SNTG1: variants seen among roughly 807,000 people sequenced by gnomAD.
The protein encoded by SNTG1 is gamma-1-syntrophin.
A neutral mutation model predicts 74.7 loss-of-function variants in SNTG1; 39 were observed. That is an observed-to-expected ratio of 0.52 (90% CI 0.40 to 0.68). SNTG1 has a LOEUF of 0.68. Among genes scored for constraint, SNTG1 ranks in the 30% least tolerant of loss-of-function variants. SNTG1 has a pLI of 0.00. For synonymous variants in SNTG1, 254 were observed against 217.1 expected, an observed-to-expected ratio of 1.17 and a Z score of -1.49; for missense variants, 685 against 609.5, an observed-to-expected ratio of 1.12 and a Z score of -1.30.
At chr8:50,076,957 T>C (rs936695762) in intron 1 of SNTG1, among the ~76,000 whole-genome samples, 6 of 152,204 alleles carry the variant, frequency 3.9e-5, no homozygotes, top group African/African-American at 7.2e-5. Flanking sequence ...GGAAGTATAG[T>C]TGTCAGTGAC....
intron 2 of SNTG1, among the ~76,000 whole-genome samples, chr8:50,272,936 G>A (rs536498601): frequency 1.3e-5 from 2 of 151,292 alleles, no homozygotes; most frequent in African/African-American, 2.4e-5. Flanking sequence ...TAGAGACAGA[G>A]TCTCGCTATA....
chr8:50,277,418 A>G (rs1255884211), intron 2 of SNTG1, among the ~76,000 whole-genome samples: 1 of 152,236 alleles, frequency 6.6e-6, no homozygotes, highest in African/African-American at 2.4e-5. Flanking sequence ...AAACTTTTTC[A>G]GACACAGACA....
At chr8:50,204,118 G>A (rs1046245378) in intron 2 of SNTG1, among the ~76,000 whole-genome samples, 5 of 152,224 alleles carry the variant, frequency 3.3e-5, no homozygotes, top group Admixed American at 3.3e-4. Flanking sequence ...AAGGGAATGG[G>A]AATGTTTGAT....
chr8:49,980,185 A>G (rs1812543204), intron 1 of SNTG1, among the ~76,000 whole-genome samples: 1 of 152,154 alleles, frequency 6.6e-6, no homozygotes, highest in Non-Finnish European at 1.5e-5. Flanking sequence ...GTTCTCCTCC[A>G]GCGCCTGGCA....
chr8:50,313,222 CTT>C (rs1269364059), intron 2 of SNTG1, among the ~76,000 whole-genome samples: 6 of 149,798 alleles, frequency 4.0e-5, no homozygotes, highest in Admixed American at 2.7e-4. Flanking sequence ...CAAAGAAAAA[CTT>C]AGAGGAAAAG....
At chr8:50,549,070 T>G (rs556436270) in intron 11 of SNTG1, among the ~76,000 whole-genome samples, 3 of 152,150 alleles carry the variant, frequency 2.0e-5, no homozygotes, top group Non-Finnish European at 2.9e-5. Flanking sequence ...TTGCAAAAAG[T>G]GCAGGACTTC....
intron 1 of SNTG1, among the ~76,000 whole-genome samples, chr8:50,021,981 A>C (rs1167830901): frequency 1.3e-5 from 2 of 151,848 alleles, no homozygotes; most frequent in African/African-American, 4.8e-5. Flanking sequence ...AAGAAGAAGA[A>C]GAAGAAAAAG....
At chr8:50,396,430 G>C (rs1252320951) in intron 3 of SNTG1, among the ~76,000 whole-genome samples, 1 of 152,176 alleles carries the variant, frequency 6.6e-6, no homozygotes, top group Non-Finnish European at 1.5e-5. Context: ...ATAATGGCTA[G>C]AATTTAGTTA....
At chr8:50,771,299 A>T (rs1438651001) in intron 18 of SNTG1, among the ~76,000 whole-genome samples, 2 of 152,112 alleles carry the variant, frequency 1.3e-5, no homozygotes, top group Non-Finnish European at 2.9e-5. Context: ...AGAAATAAAA[A>T]CAGTGGAAGA....
intron 1 of SNTG1, among the ~76,000 whole-genome samples, chr8:50,072,155 C>A (rs1032676070): frequency 6.6e-6 from 1 of 152,146 alleles, no homozygotes; most frequent in Admixed American, 6.5e-5. Context: ...AGACATGGAT[C>A]TATTTGCCTT....
At chr8:50,046,587 C>T (rs1322752442) in intron 1 of SNTG1, among the ~76,000 whole-genome samples, 2 of 152,086 alleles carry the variant, frequency 1.3e-5, no homozygotes, top group East Asian at 1.9e-4. Flanking sequence ...ATTTATATTA[C>T]CAAGACTTGG....
rs369189955 is a variant in SNTG1 at position 50,052,474 on chromosome 8, T to C, written c.-102-120087T>C. ...AAGAGCTAAAATTACAACACTCTTATAGGAAAATGTAAGAATAAATTCTTG... is the reference window on the plus strand; with the variant it reads ...AAGAGCTAAAATTACAACACTCTTACAGGAAAATGTAAGAATAAATTCTTG... On this transcript the variant is annotated intron_variant, in intron 1 of 18. Coordinates refer to ENST00000642720, the MANE Select transcript of SNTG1 (RefSeq NM_018967.5). Among the ~76,000 whole-genome samples the C allele has an allele frequency of 2.3e-4, 35 of 152,208 alleles. No homozygotes were observed. In the Middle Eastern group the frequency reaches 0.01, roughly 44 times the overall value.
chr8:50,044,416 G>A (rs1486470), intron 1 of SNTG1, among the ~76,000 whole-genome samples: 152,347 of 152,348 alleles, frequency 1, 76,173 homozygotes, highest in Middle Eastern at 1. Flanking sequence ...AAATTAAACC[G>A]GATTTCAAAA....
At chr8:50,034,526 G>C (rs887117033) in intron 1 of SNTG1, among the ~76,000 whole-genome samples, 4 of 152,174 alleles carry the variant, frequency 2.6e-5, no homozygotes, top group Admixed American at 6.5e-5. Flanking sequence ...TTGCTCACCA[G>C]GGTGGGATTG....
intron 1 of SNTG1, among the ~76,000 whole-genome samples, chr8:50,003,067 G>A (rs1482253486): frequency 2.6e-5 from 4 of 152,130 alleles, no homozygotes; most frequent in African/African-American, 9.7e-5. Flanking sequence ...GAGACAGAAT[G>A]TAGATTAGTG....
At chr8:50,710,561 T>C (rs2095458755) in intron 17 of SNTG1, among the ~76,000 whole-genome samples, 1 of 152,172 alleles carries the variant, frequency 6.6e-6, no homozygotes, top group Non-Finnish European at 1.5e-5. Context: ...ATAAGAATCT[T>C]ACATTAGCGA....
At chr8:50,314,735 G>A (rs978411257) in intron 2 of SNTG1, among the ~76,000 whole-genome samples, 3 of 150,014 alleles carry the variant, frequency 2.0e-5, no homozygotes, top group African/African-American at 7.4e-5. Context: ...ATGTCGAAAT[G>A]TAAATGATAA....
At chr8:50,367,848 C>T (rs2092158670) in intron 2 of SNTG1, among the ~76,000 whole-genome samples, 1 of 152,106 alleles carries the variant, frequency 6.6e-6, no homozygotes, top group Non-Finnish European at 1.5e-5. Context: ...AGCAACACTG[C>T]ACTGATTTTG....
intron 4 of SNTG1, among the ~76,000 whole-genome samples, chr8:50,405,657 A>T (rs1484769254): frequency 3.9e-5 from 6 of 152,080 alleles, no homozygotes; most frequent in Admixed American, 3.9e-4. Flanking sequence ...AATAAAATCC[A>T]TGTCAATTTT....
Sources: gnomAD v4.1 joint callset for allele counts (sites outside exome capture counted in the v4.1 genomes callset) on GRCh38, gnomAD v4.1.1 for gene constraint, MANE v1.5 for transcripts, NCBI Gene and HGNC (gene_info 2026-07-23, HGNC 2026-07-21) for gene names.